The following GALNT13 variants were observed in gnomAD, a reference collection of about 807,000 sequenced individuals.
GALNT13 encodes polypeptide N-acetylgalactosaminyltransferase 13.
GALNT13 carries 28 observed loss-of-function variants against 64.2 expected under a neutral mutation model. The ratio of observed to expected loss-of-function variants is 0.44; its 90% CI spans 0.32 to 0.60. The LOEUF (loss-of-function observed/expected upper bound fraction) is 0.60, where lower values mean the gene tolerates loss of function less well. Among genes scored for constraint, GALNT13 ranks in the 20% least tolerant of loss-of-function variants. The pLI is 0.05. For missense variants in GALNT13, 577 were observed against 669.8 expected (o/e 0.86, Z 1.53); for synonymous variants, 214 against 224.6 (o/e 0.95, Z 0.42).
At chr2:154,282,563 G>T (rs961192391) in intron 8 of GALNT13, among the ~76,000 whole-genome samples, 8 of 152,020 alleles carry the variant, frequency 5.3e-5, no homozygotes, top group Non-Finnish European at 2.9e-5. Flanking sequence ...CTCTTCTTCT[G>T]CATGTGAGTT....
chr2:153,736,334 T>C, the GALNT13 span, among the ~76,000 whole-genome samples: 1 of 152,166 alleles, frequency 6.6e-6, no homozygotes, highest in Non-Finnish European at 1.5e-5. Flanking sequence ...TCAGGATAGC[T>C]CCTGTGTCCT....
the GALNT13 span, among the ~76,000 whole-genome samples, chr2:153,098,096 A>G: frequency 6.6e-6 from 1 of 152,168 alleles, no homozygotes; most frequent in African/African-American, 2.4e-5. Flanking sequence ...AACAAAATGT[A>G]ATAACATAGT....
At chr2:153,185,067 T>A in the GALNT13 span, among the ~76,000 whole-genome samples, 1 of 152,196 alleles carries the variant, frequency 6.6e-6, no homozygotes, top group Admixed American at 6.5e-5. Flanking sequence ...TCTAGTAGAA[T>A]TCAGCTGTGA....
chr2:153,811,428 T>G, the GALNT13 span, among the ~76,000 whole-genome samples: 1 of 152,238 alleles, frequency 6.6e-6, no homozygotes, highest in Non-Finnish European at 1.5e-5. Context: ...ATTTAAAGTG[T>G]AATCATAGCA....
At chr2:153,303,808 A>T in the GALNT13 span, among the ~76,000 whole-genome samples, 1 of 152,022 alleles carries the variant, frequency 6.6e-6, no homozygotes, top group Non-Finnish European at 1.5e-5. Flanking sequence ...GTGGGGATAG[A>T]TAGAGGAATT....
chr2:153,596,532 G>A, the GALNT13 span, among the ~76,000 whole-genome samples: 4 of 152,074 alleles, frequency 2.6e-5, no homozygotes, highest in Non-Finnish European at 5.9e-5. Flanking sequence ...TAAATGGAAA[G>A]ATTTAAGTGG....
chr2:154,145,088 C>CTATATATATA (rs1231342170), intron 4 of GALNT13, among the ~76,000 whole-genome samples: 3 of 121,232 alleles, frequency 2.5e-5, no homozygotes, highest in Non-Finnish European at 3.5e-5. Context: ...ATCTATCTAT[C>CTATATATATA]TATCTATCTA....
chr2:153,585,306 CG>C, the GALNT13 span, among the ~76,000 whole-genome samples: 1 of 151,832 alleles, frequency 6.6e-6, no homozygotes, highest in East Asian at 1.9e-4. Context: ...GCCTCAACAA[CG>C]GATTTGACCA....
chr2:153,806,485 A>C, the GALNT13 span, among the ~76,000 whole-genome samples: 1 of 152,046 alleles, frequency 6.6e-6, no homozygotes, highest in Non-Finnish European at 1.5e-5. Context: ...AATTATATAA[A>C]TGAAATATCA....
chr2:154,420,795 C>CTAGG (rs1700215388), intron 11 of GALNT13, among the ~76,000 whole-genome samples: 1 of 151,936 alleles, frequency 6.6e-6, no homozygotes, highest in African/African-American at 2.4e-5. Flanking sequence ...TTATTATTTT[C>CTAGG]TAGGTAAGGT....
the GALNT13 span, among the ~76,000 whole-genome samples, chr2:153,241,647 C>G: frequency 7.9e-6 from 1 of 127,146 alleles, no homozygotes; most frequent in African/African-American, 2.8e-5. Flanking sequence ...AAGCCAAGTT[C>G]TGTGTGTGTA....
At chr2:153,651,710 G>A in the GALNT13 span, among the ~76,000 whole-genome samples, 1 of 152,134 alleles carries the variant, frequency 6.6e-6, no homozygotes, top group African/African-American at 2.4e-5. Flanking sequence ...TATAGTAACA[G>A]ATCTGGGCAG....
At chr2:154,255,751 A>G (rs1231910842) in intron 7 of GALNT13, among the ~76,000 whole-genome samples, 1 of 152,086 alleles carries the variant, frequency 6.6e-6, no homozygotes, top group Non-Finnish European at 1.5e-5. Flanking sequence ...GAAGAGTCCA[A>G]AACTTTTGGA....
chr2:154,312,768 A>G (rs1387846008), intron 9 of GALNT13, among the ~76,000 whole-genome samples: 1 of 152,090 alleles, frequency 6.6e-6, no homozygotes, highest in Non-Finnish European at 1.5e-5. Flanking sequence ...TGTTTGTTTG[A>G]TTTTTAGTAA....
chr2:154,399,033 C>CCAACACT (rs1197749926), intron 10 of GALNT13, among the ~76,000 whole-genome samples: 1 of 152,072 alleles, frequency 6.6e-6, no homozygotes, highest in Non-Finnish European at 1.5e-5. Context: ...ACGTGCTAGT[C>CCAACACT]CAACACTAAG....
At chr2:154,330,898 G>A (rs1322203742) in intron 9 of GALNT13, among the ~76,000 whole-genome samples, 1 of 152,034 alleles carries the variant, frequency 6.6e-6, no homozygotes, top group East Asian at 1.9e-4. Context: ...TTGATATCAT[G>A]TAAATTCAAA....
At chr2:153,411,511 G>C in the GALNT13 span, among the ~76,000 whole-genome samples, 4 of 152,242 alleles carry the variant, frequency 2.6e-5, no homozygotes, top group African/African-American at 9.6e-5. Flanking sequence ...GTATGCATGA[G>C]AATGTATGCA....
At chr2:153,610,075 A>G in the GALNT13 span, among the ~76,000 whole-genome samples, 1 of 152,130 alleles carries the variant, frequency 6.6e-6, no homozygotes, top group Non-Finnish European at 1.5e-5. Flanking sequence ...AAGTGGGAGG[A>G]AAGTCCCAGA....
chr2:154,242,164 A>C lies in GALNT13; in HGVS notation c.446A>C (p.Glu149Ala). Reference sequence around the variant, plus strand: ...CGTTCCCCACACTATCTACTCTCAGAGGTCATCTTGGTAGATGATGCCAGT... The same window carrying C: ...CGTTCCCCACACTATCTACTCTCAGCGGTCATCTTGGTAGATGATGCCAGT... ...INRSPHYLLS[E>A]VILVDDASER... Residue 149 changes from glutamate (E) to alanine (A), a missense_variant, in exon 5 of 13, where the codon GAG becomes GCG. Around this residue, in one of 3 missense-constraint regions of GALNT13, gnomAD observed 341 missense variants for 379.3 expected, o/e 0.90. Coordinates refer to ENST00000392825, the MANE Select transcript of GALNT13 (RefSeq NM_052917.4). The C allele has an allele frequency of 6.2e-7, 1 of 1,611,814 alleles. No homozygotes were observed. Among genetic ancestry groups the C allele is most frequent in the Non-Finnish European group, 8.5e-7 (1 of 1,179,316 alleles).
Sources: gnomAD v4.1 joint callset for allele counts (sites outside exome capture counted in the v4.1 genomes callset) on GRCh38, gnomAD v4.1.1 for gene constraint, gnomAD v4.1.1 regional missense constraint, MANE v1.5 for transcripts, NCBI Gene and HGNC (gene_info 2026-07-23, HGNC 2026-07-21) for gene names.